The following CASK variants were observed in gnomAD, a reference collection of about 807,000 sequenced individuals.
CASK encodes peripheral plasma membrane protein CASK.
In CASK, 4 loss-of-function variants were observed where a neutral mutation model predicts 82.9. The ratio of observed to expected loss-of-function variants is 0.05; its 90% confidence interval spans 0.02 to 0.11. CASK has a LOEUF of 0.11. Among genes scored for constraint, CASK ranks in the 10% least tolerant of loss-of-function variants. The pLI, the probability that CASK is intolerant of heterozygous loss-of-function variation, is 1.00. For missense variants in CASK, 358 were observed against 720.9 expected (o/e 0.50, Z 5.76); for synonymous variants, 259 against 253.5 (o/e 1.02, Z -0.20).
intron 3 of CASK, among the ~76,000 whole-genome samples, chrX:41,772,021 G>T (rs2069252272): frequency 9.0e-6 from 1 of 111,331 alleles, no homozygotes; most frequent in African/African-American, 3.3e-5. Context: ...ATAACAGCAA[G>T]TAGAAATTAC....
chrX:41,669,851 C>T lies in CASK; in HGVS notation c.532+1577G>A, dbSNP rs1483232143. Among the ~76,000 whole-genome samples the T allele has an allele frequency of 6.3e-5, 7 of 111,446 alleles. No individual in the cohort carries two copies. In the Admixed American group the frequency reaches 6.7e-4, roughly 11 times the overall value. The stretch of plus-strand genomic sequence containing the variant: ...GTTCAGGCCCTGTACTTTGTGGATA[C>T]TGAAGAGATTTTGAACCAGTTTATA... On this transcript the variant is annotated intron_variant, in intron 6 of 26. Transcript: ENST00000378163.
chrX:41,795,534 C>T (rs767597289), intron 2 of CASK, among the ~76,000 whole-genome samples: 45 of 110,572 alleles, frequency 4.1e-4, no homozygotes, highest in Non-Finnish European at 6.8e-4. Context: ...GGTGCGGTGA[C>T]GTGTGCCTGT....
rs377304739 is a variant in CASK, at chrX:41,626,592, T to C, written c.1015+12A>G. On this transcript the variant is annotated intron_variant, in intron 10 of 26. Transcript: ENST00000378163. ...TGACCCACACAGGTGAATAAGTGAA[T>C]TATCCAATTACCTGAGGAGGTAGGG... 1 of 1,062,313 alleles carries C rather than the reference T, an allele frequency of 9.4e-7. No homozygotes were observed. Among genetic ancestry groups the C allele is most frequent in the African/African-American group, 1.8e-5 (1 of 54,582 alleles). 87.5% of individuals were successfully genotyped at this position (1,062,313 alleles called of 1,213,427 possible).
chrX:41,730,398 A>AT lies in CASK; in HGVS notation c.429+8985dup, dbSNP rs772372974. Among the ~76,000 whole-genome samples, 10 of 110,717 alleles carry AT rather than the reference A, an allele frequency of 9.0e-5. No individual in the cohort carries two copies. The East Asian group carries it at 2.0e-3, about 22-fold the overall frequency. Reference sequence around the variant, plus strand: ...ACACACACACACAAAAACCCAGTAAATTTTTTTTTCCTTTTCTACTTTGAT... The same window carrying AT: ...ACACACACACACAAAAACCCAGTAAATTTTTTTTTTCCTTTTCTACTTTGAT... On this transcript the variant is annotated intron_variant, in intron 5 of 26. Coordinates refer to ENST00000378163, the MANE Select transcript of CASK (RefSeq NM_001367721.1).
chrX:41,839,221 T>C (rs1419833796), intron 2 of CASK, among the ~76,000 whole-genome samples: 1 of 111,596 alleles, frequency 9.0e-6, no homozygotes, highest in Non-Finnish European at 1.9e-5. Flanking sequence ...GGGTCAAATC[T>C]AGAGATAGAT....
intron 7 of CASK, among the ~76,000 whole-genome samples, chrX:41,662,496 G>A (rs1265377410): frequency 9.0e-6 from 1 of 111,451 alleles, no homozygotes; most frequent in Non-Finnish European, 1.9e-5. Context: ...AACCATTAGG[G>A]TGATGAAATG....
chrX:41,629,825 A>G (rs1030202225), intron 9 of CASK, among the ~76,000 whole-genome samples: 2 of 112,102 alleles, frequency 1.8e-5, no homozygotes, highest in Non-Finnish European at 3.8e-5. Flanking sequence ...ACTGATTGCT[A>G]ATAATGTAAT....
chrX:41,859,201 C>T (rs1194666884), intron 1 of CASK, among the ~76,000 whole-genome samples: 1 of 110,933 alleles, frequency 9.0e-6, no homozygotes, highest in Non-Finnish European at 1.9e-5. Flanking sequence ...CCACAAGATA[C>T]GTAGGAAAAC....
chrX:41,710,463 T>C (rs1336127382), intron 5 of CASK, among the ~76,000 whole-genome samples: 1 of 111,801 alleles, frequency 8.9e-6, no homozygotes, highest in Admixed American at 9.5e-5. Flanking sequence ...AGAGTTTCTA[T>C]GCTGTGCATT....
chrX:41,708,981 GGAA>G (rs969826040), intron 5 of CASK, among the ~76,000 whole-genome samples: 3 of 111,454 alleles, frequency 2.7e-5, no homozygotes, highest in African/African-American at 9.8e-5. Context: ...TAGAGGAAAG[GGAA>G]GAAGAGGCAA....
chrX:41,537,322 T>C (rs779771684), intron 22 of CASK, among the ~76,000 whole-genome samples: 45 of 111,695 alleles, frequency 4.0e-4, no homozygotes, highest in Non-Finnish European at 7.5e-4. Flanking sequence ...TATTTTAAAA[T>C]AAGAGATACA....
rs137964936 is a variant in CASK at position 41,534,726 on chromosome X, C to T, written c.2297G>A (p.Arg766Gln). ...KNTLITKHPD[R>Q]FAYPIPHTTR... is the part of the protein sequence containing the mutation. The stretch of plus-strand genomic sequence containing the variant: ...CTTACGTGGAATAGGGTACGCAAAC[C>T]GGTCTGGGTGCTTTGTGATGAGAGT... Residue 766 changes from arginine to glutamine, a missense_variant, in exon 24 of 27, where the codon CGG becomes CAG. Coordinates refer to ENST00000378163, the MANE Select transcript of CASK (RefSeq NM_001367721.1). The T allele has an allele frequency of 1.1e-4, 128 of 1,205,208 alleles. No homozygotes were observed. The African/African-American group carries it at 1.6e-3, about 15-fold the overall frequency.
intron 1 of CASK, among the ~76,000 whole-genome samples, chrX:41,911,692 A>G (rs768310119): frequency 3.6e-5 from 4 of 111,996 alleles, no homozygotes; most frequent in Non-Finnish European, 7.5e-5. Flanking sequence ...ATTATGAACA[A>G]TTAATTAATC....
rs781695998 is a variant in CASK at position 41,590,832 on chromosome X, A to T, written c.1156-1240T>A. 1.6e-3 allele frequency among the ~76,000 whole-genome samples: 178 copies of T among 110,955 alleles called. 1 individual carries two copies. Among genetic ancestry groups the T allele is most frequent in the Non-Finnish European group, 2.3e-3 (122 of 53,019 alleles). On this transcript the variant is annotated intron_variant, in intron 12 of 26. Transcript: ENST00000378163. ...TACACCAATGCTAGTTGAGAAGTCA[A>T]ATACTGACTATAAACATTCTTCAGA...
chrX:41,720,110 T>C (rs2068138163), intron 5 of CASK, among the ~76,000 whole-genome samples: 1 of 113,453 alleles, frequency 8.8e-6, no homozygotes, highest in Non-Finnish European at 1.9e-5. Context: ...TTCTGTGTTA[T>C]TATAAATTTA....
At chrX:41,858,161 A>C (rs898390874) in intron 1 of CASK, among the ~76,000 whole-genome samples, 1 of 111,542 alleles carries the variant, frequency 9.0e-6, no homozygotes, top group Non-Finnish European at 1.9e-5. Context: ...CACAGAAGAG[A>C]GATGAAGGGA....
intron 25 of CASK, among the ~76,000 whole-genome samples, chrX:41,527,053 C>T (rs899511766): frequency 1.8e-5 from 2 of 111,524 alleles, no homozygotes; most frequent in Admixed American, 9.6e-5. Flanking sequence ...ATTCCCCTCT[C>T]TCAGGCAGTT....
At chrX:41,692,538 T>C (rs1228881252) in intron 5 of CASK, among the ~76,000 whole-genome samples, 8 of 113,013 alleles carry the variant, frequency 7.1e-5, no homozygotes, top group Non-Finnish European at 9.4e-5. Flanking sequence ...ATTTCTATCA[T>C]TGGTTCTTGT....
chrX:41,854,222 GCGCACACACACACACA>G (rs1433335654), intron 1 of CASK, among the ~76,000 whole-genome samples: 18 of 83,484 alleles, frequency 2.2e-4, no homozygotes, highest in South Asian at 6.0e-4. Flanking sequence ...GCGCGGGCGC[GCGCACACACACACACA>G]CACACACACA....
Sources: allele counts gnomAD v4.1 joint callset (sites outside exome capture counted in the v4.1 genomes callset), GRCh38; gene constraint gnomAD v4.1.1; transcripts MANE v1.5; gene names NCBI Gene and HGNC (gene_info 2026-07-23, HGNC 2026-07-21).